Variants in GRM8 observed in about 807,000 individuals in gnomAD.
GRM8 encodes glutamate metabotropic receptor 8.
GRM8 carries 47 observed loss-of-function variants against 87.2 expected under a neutral mutation model. That is an observed-to-expected ratio of 0.54 (90% CI 0.43 to 0.69). The LOEUF (loss-of-function observed/expected upper bound fraction) is 0.69, where lower values mean the gene tolerates loss of function less well. GRM8 is among the 30% of genes least tolerant of loss of function. The pLI is 0.00. For missense variants in GRM8, 1,019 were observed against 1,139.2 expected (o/e 0.89, Z 1.52); for synonymous variants, 396 against 404.5 (o/e 0.98, Z 0.25).
At chr7:126,922,967 C>A (rs1417732464) in intron 3 of GRM8, among the ~76,000 whole-genome samples, 1 of 152,154 alleles carries the variant, frequency 6.6e-6, no homozygotes, top group Non-Finnish European at 1.5e-5. Context: ...GTTCAGCCTG[C>A]AGAATCATGA....
chr7:126,609,657 T>C (rs552950108), intron 7 of GRM8, among the ~76,000 whole-genome samples, 159 bp from the exon 8 acceptor site: 10 of 152,320 alleles, frequency 6.6e-5, no homozygotes, highest in African/African-American at 2.4e-4. Context: ...GCATAATATC[T>C]TTTACATGAA....
intron 3 of GRM8, among the ~76,000 whole-genome samples, chr7:127,009,268 G>A (rs763454133): frequency 6.6e-6 from 1 of 152,024 alleles, no homozygotes; most frequent in Non-Finnish European, 1.5e-5. Flanking sequence ...CAAAGCAATA[G>A]CTAAAGAATA....
At chr7:126,760,796 T>C (rs1817511702) in intron 7 of GRM8, among the ~76,000 whole-genome samples, 1 of 152,222 alleles carries the variant, frequency 6.6e-6, no homozygotes, top group African/African-American at 2.4e-5. Context: ...TTTCATTTAC[T>C]AGACAAGTAA....
At chr7:126,460,056 G>C (rs1335622324) in intron 9 of GRM8, among the ~76,000 whole-genome samples, 1 of 151,520 alleles carries the variant, frequency 6.6e-6, no homozygotes, top group East Asian at 2.0e-4. Flanking sequence ...GAAAATCTTA[G>C]TGCTAGGACT....
rs541193688 is a variant in GRM8 at position 127,089,495 on chromosome 7, G to A, written c.727+17001C>T. ...AGTATGCAAGCCTACAGCTGCTGGT[G>A]GCCATCTTCCCACCACATGGGCAAA... is the stretch of plus-strand genomic sequence containing the variant. On this transcript the variant is annotated intron_variant, in intron 3 of 10. Transcript: ENST00000339582. 1.3e-3 allele frequency among the ~76,000 whole-genome samples: 196 copies of A among 152,302 alleles called. 1 individual carries two copies. The highest frequency in any genetic ancestry group is 4.6e-3 in the African/African-American group (192 of 41,562).
intron 6 of GRM8, among the ~76,000 whole-genome samples, chr7:126,835,148 C>T (rs576521291): frequency 6.6e-6 from 1 of 151,244 alleles, no homozygotes; most frequent in African/African-American, 2.4e-5. Context: ...ATTAAAATTA[C>T]TTTTACCATG....
At chr7:126,826,426 A>G (rs1478634026) in intron 6 of GRM8, among the ~76,000 whole-genome samples, 1 of 152,118 alleles carries the variant, frequency 6.6e-6, no homozygotes, top group Non-Finnish European at 1.5e-5. Flanking sequence ...CTGGTGTGAG[A>G]TGGTATCTCA....
chr7:127,077,699 G>T (rs929864862), intron 3 of GRM8, among the ~76,000 whole-genome samples: 3 of 152,138 alleles, frequency 2.0e-5, no homozygotes, highest in African/African-American at 4.8e-5. Context: ...TACGTTCTCT[G>T]CCAGGTAACA....
At chr7:126,647,310 G>C (rs1015751641) in intron 7 of GRM8, among the ~76,000 whole-genome samples, 1 of 82,240 alleles carries the variant, frequency 1.2e-5, no homozygotes, top group Admixed American at 1.2e-4. Flanking sequence ...TAGATAGATA[G>C]ATAGATAGAT....
At chr7:126,546,763 A>C (rs896823415) in intron 8 of GRM8, among the ~76,000 whole-genome samples, 2 of 152,150 alleles carry the variant, frequency 1.3e-5, no homozygotes, top group Admixed American at 6.5e-5. Context: ...CATTACAGTA[A>C]GATACTCTCT....
chr7:126,838,671 T>C (rs889927533), intron 6 of GRM8, among the ~76,000 whole-genome samples: 3 of 152,224 alleles, frequency 2.0e-5, no homozygotes, highest in Admixed American at 6.5e-5. Context: ...AAACACTCAG[T>C]GAATATTATT....
At chr7:126,456,930 C>A (rs1449472688) in intron 9 of GRM8, among the ~76,000 whole-genome samples, 5 of 151,408 alleles carry the variant, frequency 3.3e-5, no homozygotes, top group African/African-American at 4.8e-5. Flanking sequence ...CGTGGGCAAA[C>A]AACAACAAAA....
At chr7:126,623,172 T>C (rs1253346867) in intron 7 of GRM8, among the ~76,000 whole-genome samples, 1 of 152,208 alleles carries the variant, frequency 6.6e-6, no homozygotes, top group African/African-American at 2.4e-5. Context: ...TTAGCTTTCA[T>C]ACATGTACCA....
intron 3 of GRM8, among the ~76,000 whole-genome samples, chr7:126,926,760 G>A (rs1805170854): frequency 6.6e-6 from 1 of 152,114 alleles, no homozygotes; most frequent in South Asian, 2.1e-4. Context: ...ACCTTCATCT[G>A]GACATGTCCT....
In GRM8 at chr7:127,025,994, C is replaced by T. The variant is rs187305852; in HGVS notation, c.727+80502G>A. On this transcript the variant is annotated intron_variant, in intron 3 of 10. Transcript: ENST00000339582. The stretch of plus-strand genomic sequence containing the variant: ...TTAGGTATTTCTCCTAATGTTATCC[C>T]TCCCCCAGCCCCCTGCCCCCTGACA... Among the ~76,000 whole-genome samples, 114 of 152,186 alleles carry T rather than the reference C, an allele frequency of 7.5e-4. 1 individual carries two copies. The highest frequency in any genetic ancestry group is 2.6e-3 in the African/African-American group (109 of 41,518).
At chr7:126,545,331 T>C (rs372162938) in intron 8 of GRM8, among the ~76,000 whole-genome samples, 15 of 152,364 alleles carry the variant, frequency 9.8e-5, no homozygotes, top group Admixed American at 2.0e-4. Flanking sequence ...TGCAAGACTA[T>C]TGAAGTAGAA....
At chr7:126,642,061 A>G (rs1001601530) in intron 7 of GRM8, among the ~76,000 whole-genome samples, 1 of 152,198 alleles carries the variant, frequency 6.6e-6, no homozygotes, top group Non-Finnish European at 1.5e-5. Context: ...GGTAGGCACT[A>G]GCATCGTCTG....
intron 3 of GRM8, among the ~76,000 whole-genome samples, chr7:127,010,058 G>A (rs750212486): frequency 2.1e-4 from 32 of 151,892 alleles, no homozygotes; most frequent in Non-Finnish European, 4.0e-4. Flanking sequence ...GGCCAGGCTG[G>A]TCTCGAACTC....
At chr7:127,060,100 A>C (rs770313454) in intron 3 of GRM8, among the ~76,000 whole-genome samples, 5 of 152,236 alleles carry the variant, frequency 3.3e-5, no homozygotes, top group Admixed American at 6.5e-5. Flanking sequence ...AAGAATAAAA[A>C]CTTGAGGGGA....
Sources: gnomAD v4.1 joint callset for allele counts (sites outside exome capture counted in the v4.1 genomes callset) on GRCh38, gnomAD v4.1.1 for gene constraint, MANE v1.5 for transcripts, NCBI Gene and HGNC (gene_info 2026-07-23, HGNC 2026-07-21) for gene names.